The following RETREG1 variants were observed in gnomAD, a reference collection of about 807,000 sequenced individuals.
RETREG1 encodes reticulophagy regulator 1.
In RETREG1, 44 loss-of-function variants were observed where a neutral mutation model predicts 54.8. The observed-to-expected ratio is 0.80, with a 90% CI of 0.63 to 1.03. The LOEUF is 1.03. Among genes scored for constraint, RETREG1 ranks in the 50% least tolerant of loss-of-function variants. The pLI is 0.00. For synonymous variants in RETREG1, 217 were observed against 238.5 expected, an observed-to-expected ratio of 0.91 and a Z score of 0.83; for missense variants, 554 against 605.1, an observed-to-expected ratio of 0.92 and a Z score of 0.89.
chr5:16,550,908 G>A (rs1741517334), intron 3 of RETREG1, among the ~76,000 whole-genome samples: 1 of 152,168 alleles, frequency 6.6e-6, no homozygotes, highest in Admixed American at 6.5e-5. Flanking sequence ...CAAATCCATA[G>A]AGGGGGAAGC....
chr5:16,506,434 C>T (rs1005752988), intron 3 of RETREG1, among the ~76,000 whole-genome samples: 1 of 151,768 alleles, frequency 6.6e-6, no homozygotes, highest in African/African-American at 2.4e-5. Flanking sequence ...TCGAAGGTAG[C>T]AAGAGTCAAA....
At chr5:16,573,019 C>T (rs573703186) in intron 1 of RETREG1, among the ~76,000 whole-genome samples, 1 of 151,806 alleles carries the variant, frequency 6.6e-6, no homozygotes, top group Non-Finnish European at 1.5e-5. Flanking sequence ...CCCGTCTCTA[C>T]TAAAAATACA....
intron 1 of RETREG1, among the ~76,000 whole-genome samples, chr5:16,615,399 C>CAA (rs35626131): frequency 0.26 from 24,166 of 92,424 alleles, 2,742 homozygotes; most frequent in East Asian, 0.33. Context: ...GACTCCATCT[C>CAA]AAAAAAAAAA....
rs570704454 is a variant in RETREG1, at chr5:16,499,745, C to A, written c.459-16273G>T. Among the ~76,000 whole-genome samples the A allele has an allele frequency of 1.8e-4, 27 of 152,386 alleles. 1 individual carries two copies. In the South Asian group the frequency reaches 2.9e-3, roughly 16 times the overall value. On this transcript the variant is annotated intron_variant, in intron 3 of 8. Coordinates refer to ENST00000306320, the MANE Select transcript of RETREG1 (RefSeq NM_001034850.3). ...CCACCTCTGGCAGTGCCAGGCTTCA[C>A]CAGTGAAACACTTGCATGTTGGGGA...
intron 3 of RETREG1, among the ~76,000 whole-genome samples, chr5:16,536,526 G>A (rs545869630): frequency 7.2e-5 from 11 of 151,974 alleles, no homozygotes; most frequent in South Asian, 2.1e-4. Flanking sequence ...ATGCCAACAC[G>A]TCAACACACT....
chr5:16,509,393 C>T (rs1335565695), intron 3 of RETREG1: 1 of 152,200 alleles, frequency 6.6e-6, no homozygotes, highest in African/African-American at 2.4e-5. Context: ...GGGCAAAACG[C>T]TTTCTCCCCA....
At chr5:16,509,535 T>C (rs1579627521) in intron 3 of RETREG1, 2 of 152,030 alleles carry the variant, frequency 1.3e-5, no homozygotes, top group East Asian at 3.9e-4. Flanking sequence ...ACGACAAAAA[T>C]CCCTTCAAAT....
rs376593978 is a variant in RETREG1, at chr5:16,567,726, A to G, written c.428-1933T>C. ...AATTCCAGTGCTTTGGGAGGCCAAA[A>G]CGGGGGGATCACTTGAGGCCAGGAG... On this transcript the variant is annotated intron_variant, in intron 2 of 8. Coordinates refer to ENST00000306320, the MANE Select transcript of RETREG1 (RefSeq NM_001034850.3). Among the ~76,000 whole-genome samples the G allele has an allele frequency of 1.1e-3, 169 of 152,032 alleles. 1 individual carries two copies. Among genetic ancestry groups the G allele is most frequent in the African/African-American group, 3.8e-3 (158 of 41,472 alleles).
At chr5:16,566,119 C>G (rs1004987135) in intron 2 of RETREG1, among the ~76,000 whole-genome samples, 18 of 152,198 alleles carry the variant, frequency 1.2e-4, no homozygotes, top group African/African-American at 3.9e-4. Context: ...AAATATGAAC[C>G]AAGATAGGCA....
At position 16,516,881 on chromosome 5, in the gene RETREG1, G is replaced by C. The variant is rs957530715; in HGVS notation, c.459-33409C>G. Among the ~76,000 whole-genome samples the C allele has an allele frequency of 2.0e-5, 3 of 151,960 alleles. No individual in the cohort carries two copies. The South Asian group carries it at 6.2e-4, about 32-fold the overall frequency. ...CTTGGGAGGCAGAGTTGGGAGGATCGCCTGAGCCCATGAGTTCAAGACCAA... is the reference window on the plus strand; with the variant it reads ...CTTGGGAGGCAGAGTTGGGAGGATCCCCTGAGCCCATGAGTTCAAGACCAA... On this transcript the variant is annotated intron_variant, in intron 3 of 8. Transcript: ENST00000306320.
Position 16,538,275 on chromosome 5 carries a change from C to T in RETREG1, c.458+27488G>A, listed in dbSNP as rs539546365. On this transcript the variant is annotated intron_variant, in intron 3 of 8. Coordinates refer to ENST00000306320, the MANE Select transcript of RETREG1 (RefSeq NM_001034850.3). The stretch of plus-strand genomic sequence containing the variant: ...GAGCTGGCTTTGGACAAAAGGCGCC[C>T]GTGATGTGACTGCTCTAGGCAGCTG... Among the ~76,000 whole-genome samples the T allele has an allele frequency of 1.2e-4, 18 of 152,242 alleles. No individual in the cohort carries two copies. The South Asian group carries it at 3.5e-3, about 30-fold the overall frequency.
chr5:16,556,459 T>C (rs896096125), intron 3 of RETREG1, among the ~76,000 whole-genome samples: 1 of 152,130 alleles, frequency 6.6e-6, no homozygotes, highest in South Asian at 2.1e-4. Context: ...CGAGCGAGGA[T>C]GAAGTAGCCC....
At chr5:16,583,797 A>AT (rs1241590243) in intron 1 of RETREG1, among the ~76,000 whole-genome samples, 1 of 152,134 alleles carries the variant, frequency 6.6e-6, no homozygotes, top group Non-Finnish European at 1.5e-5. Context: ...CAGCTAAAAC[A>AT]TATTTTTTTT....
At chr5:16,514,976 T>C (rs1740301560) in intron 3 of RETREG1, among the ~76,000 whole-genome samples, 1 of 148,230 alleles carries the variant, frequency 6.7e-6, no homozygotes, top group Non-Finnish European at 1.5e-5. Context: ...TATATATATA[T>C]ATAAAATTTT....
intron 1 of RETREG1, among the ~76,000 whole-genome samples, chr5:16,577,037 G>GCACACA (rs68174462): frequency 0.02 from 3,036 of 150,724 alleles, 38 homozygotes; most frequent in African/African-American, 0.027. Context: ...TTGTGTGCAC[G>GCACACA]CACACACACA....
intron 1 of RETREG1, among the ~76,000 whole-genome samples, chr5:16,577,323 A>G (rs1273490032): frequency 6.8e-6 from 1 of 147,422 alleles, no homozygotes; most frequent in Non-Finnish European, 1.5e-5. Context: ...ACCCAAAGAT[A>G]GGTGGTAGTG....
intron 1 of RETREG1, among the ~76,000 whole-genome samples, chr5:16,606,427 C>T (rs947962839): frequency 1.3e-5 from 2 of 152,182 alleles, no homozygotes; most frequent in East Asian, 3.9e-4. Flanking sequence ...CCAACACATG[C>T]AACTCCATAC....
chr5:16,478,456 G>T (rs1198277967), intron 6 of RETREG1, among the ~76,000 whole-genome samples: 2 of 152,022 alleles, frequency 1.3e-5, no homozygotes, highest in African/African-American at 4.8e-5. Flanking sequence ...ACGTGACTCC[G>T]ATACATTCTA....
chr5:16,508,725 A>T lies in RETREG1; in HGVS notation c.459-25253T>A, dbSNP rs958176196. On this transcript the variant is annotated intron_variant, in intron 3 of 8. Transcript: ENST00000306320. ...CTCTAATGCTGAATATCAGGAGGAA[A>T]AAAACCCAGTAGAGACGTTCTTTCC... The T allele has an allele frequency of 6.4e-6, 10 of 1,568,512 alleles. No homozygotes were observed. The African/African-American group carries it at 1.4e-4, about 21-fold the overall frequency.
Sources: allele counts gnomAD v4.1 joint callset (sites outside exome capture counted in the v4.1 genomes callset), GRCh38; gene constraint gnomAD v4.1.1; transcripts MANE v1.5; gene names NCBI Gene and HGNC (gene_info 2026-07-23, HGNC 2026-07-21).